MAGI2: variants seen among roughly 807,000 people sequenced by gnomAD.
The protein encoded by MAGI2 is membrane-associated guanylate kinase, WW and PDZ domain-containing protein 2.
Under a neutral mutation model 133.3 loss-of-function variants are expected in MAGI2, and 35 were observed. The observed-to-expected ratio is 0.26, with a 90% CI of 0.20 to 0.35. MAGI2 has a LOEUF of 0.35. Among genes scored for constraint, MAGI2 ranks in the 10% least tolerant of loss-of-function variants. The pLI is 1.00. For synonymous variants in MAGI2, 729 were observed against 710.6 expected, an observed-to-expected ratio of 1.03 and a Z score of -0.41; for missense variants, 1,636 against 1,863.4, an observed-to-expected ratio of 0.88 and a Z score of 2.25.
At chr7:78,428,087 A>T (rs992971328) in intron 6 of MAGI2, among the ~76,000 whole-genome samples, 23 of 152,202 alleles carry the variant, frequency 1.5e-4, no homozygotes, top group African/African-American at 5.5e-4. Flanking sequence ...TTCTGTAATT[A>T]TATTTAATGA....
chr7:78,936,386 C>T (rs1175987515), intron 2 of MAGI2, among the ~76,000 whole-genome samples: 1 of 151,658 alleles, frequency 6.6e-6, no homozygotes, highest in Non-Finnish European at 1.5e-5. Context: ...ATTTCAAAAA[C>T]AAATATAGTT....
chr7:79,008,437 A>G (rs973746803), intron 1 of MAGI2, among the ~76,000 whole-genome samples: 5 of 152,140 alleles, frequency 3.3e-5, no homozygotes, highest in Non-Finnish European at 4.4e-5. Flanking sequence ...ATCTGCAGGT[A>G]TAGTCTCAAT....
At chr7:79,187,469 C>T (rs1827269029) in intron 1 of MAGI2, among the ~76,000 whole-genome samples, 1 of 151,734 alleles carries the variant, frequency 6.6e-6, no homozygotes, top group African/African-American at 2.4e-5. Flanking sequence ...CTACCTATTT[C>T]ACTAAGCAAT....
intron 3 of MAGI2, among the ~76,000 whole-genome samples, chr7:78,593,125 A>AT (rs61169098): frequency 0.63 from 93,376 of 148,852 alleles, 30,125 homozygotes; most frequent in African/African-American, 0.77. Context: ...CTGGCCCCTG[A>AT]TTTTTTTTTT....
At chr7:79,351,223 G>T (rs983700479) in intron 1 of MAGI2, among the ~76,000 whole-genome samples, 13 of 152,064 alleles carry the variant, frequency 8.5e-5, no homozygotes, top group Non-Finnish European at 1.9e-4. Context: ...ATATTGTAGG[G>T]TTAAAGAATT....
intron 1 of MAGI2, among the ~76,000 whole-genome samples, chr7:79,253,165 T>C (rs981807533): frequency 6.6e-6 from 1 of 152,226 alleles, no homozygotes; most frequent in Non-Finnish European, 1.5e-5. Flanking sequence ...ATTTTTATTA[T>C]ATGAGCTTTA....
intron 2 of MAGI2, among the ~76,000 whole-genome samples, chr7:78,903,731 AGTGTGTGTGT>A (rs57469274): frequency 2.1e-4 from 31 of 150,836 alleles, no homozygotes; most frequent in Middle Eastern, 3.4e-3. Context: ...CAAAGGCAAA[AGTGTGTGTGT>A]GTGTGTGCGT....
Position 78,489,689 on chromosome 7 carries a change from A to AT in MAGI2, c.1045+71_1045+72insA, listed in dbSNP as rs1793412434. The AT allele has an allele frequency of 8.6e-5, 94 of 1,098,558 alleles. No homozygotes were observed. The South Asian group carries it at 1.2e-3, about 14-fold the overall frequency. The allele number at this position is 1,098,558 out of a possible 1,614,324, so 68.1% of individuals were successfully genotyped here. A position where few individuals can be genotyped will look rare whatever the true frequency, so the allele number is the denominator to read the frequency against. On this transcript the variant is annotated intron_variant, in intron 6 of 21. Coordinates refer to ENST00000354212, the MANE Select transcript of MAGI2 (RefSeq NM_012301.4). ...AGCTAGATTATTGCCTCTTCAGGTG[A>AT]GACTCTCATTTAAGAAACACAAACA...
chr7:78,274,623 T>C (rs1473945788), intron 9 of MAGI2, among the ~76,000 whole-genome samples: 1 of 150,778 alleles, frequency 6.6e-6, no homozygotes, highest in Non-Finnish European at 1.5e-5. Flanking sequence ...CTTTTTTTTT[T>C]AGAGATGCCC....
intron 10 of MAGI2, among the ~76,000 whole-genome samples, chr7:78,226,586 G>A (rs962791621): frequency 6.6e-6 from 1 of 152,138 alleles, no homozygotes; most frequent in African/African-American, 2.4e-5. Context: ...CGGCCTACGT[G>A]AATGTCTCCC....
chr7:79,325,193 T>C (rs1839595958), intron 1 of MAGI2, among the ~76,000 whole-genome samples: 1 of 152,108 alleles, frequency 6.6e-6, no homozygotes, highest in Non-Finnish European at 1.5e-5. Context: ...TGACCATCCT[T>C]TCTACAACAT....
At position 78,132,914 on chromosome 7, in the gene MAGI2, G is replaced by A; in HGVS notation, c.3178C>T (p.Leu1060Phe). 1 of 1,614,104 alleles carries A rather than the reference G, an allele frequency of 6.2e-7. No individual in the cohort carries two copies. The highest frequency in any genetic ancestry group is 8.5e-7 in the Non-Finnish European group (1 of 1,180,000). Reference protein sequence around the residue: ...PIAQPAPPQPLQLQGHENSYR... With the variant: ...PIAQPAPPQPFQLQGHENSYR... ...CTATTTTCGTGTCCTTGCAGCTGAA[G>A]TGGTTGAGGTGGTGCTGGCTGGGCG... is the stretch of plus-strand genomic sequence containing the variant. The change falls in exon 18 of 22, where the codon CTT (leucine) becomes TTT (phenylalanine). Residue 1060 changes from leucine to phenylalanine, a missense_variant. Transcript: ENST00000354212.
At chr7:78,620,812 T>TC (rs1216655900) in intron 3 of MAGI2, among the ~76,000 whole-genome samples, 2 of 151,980 alleles carry the variant, frequency 1.3e-5, no homozygotes, top group African/African-American at 4.8e-5. Flanking sequence ...TTTCAATAGA[T>TC]AGAAAAATAG....
intron 2 of MAGI2, among the ~76,000 whole-genome samples, chr7:78,936,626 T>C (rs1039161822): frequency 1.3e-5 from 2 of 152,048 alleles, no homozygotes; most frequent in Admixed American, 6.6e-5. Context: ...TGCATACTCA[T>C]GTAAACATAC....
At chr7:78,673,970 T>C (rs1444048385) in intron 2 of MAGI2, among the ~76,000 whole-genome samples, 3 of 152,188 alleles carry the variant, frequency 2.0e-5, no homozygotes, top group Admixed American at 6.5e-5. Flanking sequence ...TAGTTAATAT[T>C]ATGTATAAAG....
chr7:78,439,120 C>G (rs978616788), intron 6 of MAGI2, among the ~76,000 whole-genome samples: 2 of 152,168 alleles, frequency 1.3e-5, no homozygotes, highest in Non-Finnish European at 2.9e-5. Flanking sequence ...CACCCACATG[C>G]AAATGGAAGC....
chr7:78,062,498 G>A (rs1813390439), intron 21 of MAGI2, among the ~76,000 whole-genome samples: 2 of 152,168 alleles, frequency 1.3e-5, no homozygotes, highest in African/African-American at 2.4e-5. Context: ...CTAGAAAATG[G>A]GTAATTATTT....
chr7:78,803,388 T>C (rs1376932531), intron 2 of MAGI2, among the ~76,000 whole-genome samples: 1 of 152,198 alleles, frequency 6.6e-6, no homozygotes, highest in Non-Finnish European at 1.5e-5. Context: ...ATAATATTGA[T>C]GGATTATATG....
chr7:78,536,722 A>T (rs887381731), intron 3 of MAGI2, among the ~76,000 whole-genome samples: 3 of 150,188 alleles, frequency 2.0e-5, no homozygotes, highest in Middle Eastern at 3.5e-3. Context: ...ATTTCTTTTT[A>T]AAAAATTTCA....
Sources: allele counts gnomAD v4.1 joint callset (sites outside exome capture counted in the v4.1 genomes callset), GRCh38; gene constraint gnomAD v4.1.1; transcripts MANE v1.5; gene names NCBI Gene and HGNC (gene_info 2026-07-23, HGNC 2026-07-21).